Variants in CTDSPL observed in about 807,000 individuals in gnomAD.
The protein encoded by CTDSPL is CTD small phosphatase-like protein.
Under a neutral mutation model 30.5 loss-of-function variants are expected in CTDSPL, and 8 were observed. That is an observed-to-expected ratio of 0.26 (90% CI 0.15 to 0.47). The LOEUF (loss-of-function observed/expected upper bound fraction) is 0.47. Among genes scored for constraint, CTDSPL ranks in the 20% least tolerant of loss-of-function variants. CTDSPL has a pLI of 0.99. For missense variants in CTDSPL, 248 were observed against 366.1 expected (o/e 0.68, Z 2.63); for synonymous variants, 110 against 137.9 (o/e 0.80, Z 1.42).
In CTDSPL at chr3:37,961,985, G is replaced by A. The variant is rs1345628421; in HGVS notation, c.268-2586G>A. On this transcript the variant is annotated intron_variant, in intron 3 of 7. Coordinates refer to ENST00000273179, the MANE Select transcript of CTDSPL (RefSeq NM_001008392.2). ...TGAATACCATTCCCAAACCGTGGATGGCAAGCCGTGGTCCCTTCCTCCTCC... is the reference window on the plus strand; with the variant it reads ...TGAATACCATTCCCAAACCGTGGATAGCAAGCCGTGGTCCCTTCCTCCTCC... Among the ~76,000 whole-genome samples the A allele has an allele frequency of 2.6e-5, 4 of 152,200 alleles. No homozygotes were observed. The East Asian group carries it at 7.7e-4, about 29-fold the overall frequency.
rs1401901950 is a variant in CTDSPL, at chr3:37,862,471, A to C, written c.79+193A>C. 6.6e-6 allele frequency among the ~76,000 whole-genome samples: 1 copy of C among 152,034 alleles called. No homozygotes were observed. On this transcript the variant is annotated intron_variant, in intron 1 of 7. Transcript: ENST00000273179. This position sits in a 1 kb window ranked among gnomAD's most constrained non-coding sequence, Gnocchi z 4.3. ...GCCGACTGAGCCAGTGTGAGTGTGCAGGGGCTGGCGGAGAGACTGGGAGCG... is the reference window on the plus strand; with the variant it reads ...GCCGACTGAGCCAGTGTGAGTGTGCCGGGGCTGGCGGAGAGACTGGGAGCG...
At chr3:37,890,557 A>G (rs930016744) in intron 1 of CTDSPL, among the ~76,000 whole-genome samples, 1 of 152,234 alleles carries the variant, frequency 6.6e-6, no homozygotes, top group South Asian at 2.1e-4. Flanking sequence ...GATTTAAACC[A>G]TGTGATTTTG....
At chr3:37,873,572 T>C (rs1034426147) in intron 1 of CTDSPL, among the ~76,000 whole-genome samples, 13 of 152,210 alleles carry the variant, frequency 8.5e-5, no homozygotes, top group African/African-American at 3.1e-4. Flanking sequence ...TGTCCAGGAT[T>C]TTCAGTTGTA....
At chr3:37,948,889 C>T (rs9831857) in intron 2 of CTDSPL, among the ~76,000 whole-genome samples, 15,055 of 143,168 alleles carry the variant, frequency 0.11, 860 homozygotes, top group African/African-American at 0.15. Flanking sequence ...GGCGCAATCT[C>T]GGCTCACTGC....
intron 1 of CTDSPL, among the ~76,000 whole-genome samples, chr3:37,877,206 A>G (rs765718910): frequency 6.6e-6 from 1 of 152,116 alleles, no homozygotes; most frequent in African/African-American, 2.4e-5. Flanking sequence ...ACCACCATCC[A>G]TCTCCAGAAC....
intron 6 of CTDSPL, among the ~76,000 whole-genome samples, chr3:37,973,211 A>C (rs920563975): frequency 6.6e-6 from 1 of 152,240 alleles, no homozygotes; most frequent in Non-Finnish European, 1.5e-5. Context: ...CTTTCAGATG[A>C]GTGGTACCAA....
At chr3:37,970,240 C>A (rs1699351834) in intron 5 of CTDSPL, among the ~76,000 whole-genome samples, 1 of 152,172 alleles carries the variant, frequency 6.6e-6, no homozygotes. Context: ...AAGGTCCAGG[C>A]CAAATGTTAT....
intron 1 of CTDSPL, among the ~76,000 whole-genome samples, chr3:37,935,584 C>G (rs1018760211): frequency 3.9e-5 from 6 of 152,124 alleles, no homozygotes; most frequent in Admixed American, 2.6e-4. Flanking sequence ...AGTGCTGAGG[C>G]AAGGAAGGGC....
intron 1 of CTDSPL, among the ~76,000 whole-genome samples, chr3:37,927,678 G>GTGTA (rs1553684180): frequency 6.2e-4 from 63 of 102,092 alleles, no homozygotes; most frequent in Middle Eastern, 5.4e-3. Context: ...GTGTGTGTGT[G>GTGTA]TATGTGTATA....
rs140667198 is a variant in CTDSPL, at chr3:37,922,749, A to G, written c.80-24308A>G. Among the ~76,000 whole-genome samples, 106 of 152,310 alleles carry G rather than the reference A, an allele frequency of 7.0e-4. 1 individual carries two copies. The highest frequency in any genetic ancestry group is 2.4e-3 in the African/African-American group (101 of 41,568). On this transcript the variant is annotated intron_variant, in intron 1 of 7. Coordinates refer to ENST00000273179, the MANE Select transcript of CTDSPL (RefSeq NM_001008392.2). ...GTGGGAAATAGCATTCCAGGTTCCA[A>G]ACAAGGGATTGGCAAGGGAAGCTTG... is the stretch of plus-strand genomic sequence containing the variant.
chr3:37,882,679 A>G (rs904170851), intron 1 of CTDSPL, among the ~76,000 whole-genome samples: 1 of 152,170 alleles, frequency 6.6e-6, no homozygotes, highest in African/African-American at 2.4e-5. Context: ...TTTTAAAAAT[A>G]TTACTGCCTT....
At chr3:37,878,500 G>T (rs765700432) in intron 1 of CTDSPL, among the ~76,000 whole-genome samples, 3 of 152,036 alleles carry the variant, frequency 2.0e-5, no homozygotes, top group Non-Finnish European at 4.4e-5. Context: ...TATATGTGTG[G>T]GCCTATTTCT....
At chr3:37,978,522 G>A (rs568283767) in intron 7 of CTDSPL, among the ~76,000 whole-genome samples, 69 of 152,118 alleles carry the variant, frequency 4.5e-4, no homozygotes, top group Middle Eastern at 6.8e-3. Flanking sequence ...TATAATTTGG[G>A]GACACTAAAT....
At chr3:37,941,002 T>C (rs1294993169) in intron 1 of CTDSPL, among the ~76,000 whole-genome samples, 1 of 150,290 alleles carries the variant, frequency 6.7e-6, no homozygotes, top group Non-Finnish European at 1.5e-5. Context: ...AGACCCTCTG[T>C]AAGCCTATTG....
chr3:37,978,044 T>G (rs2125636325), intron 7 of CTDSPL, among the ~76,000 whole-genome samples: 1 of 152,370 alleles, frequency 6.6e-6, no homozygotes, highest in East Asian at 1.9e-4. Flanking sequence ...GATCCATCTA[T>G]TATAAAATTC....
chr3:37,919,367 A>G (rs1698687656), intron 1 of CTDSPL, among the ~76,000 whole-genome samples: 1 of 152,192 alleles, frequency 6.6e-6, no homozygotes, highest in Non-Finnish European at 1.5e-5. Flanking sequence ...CCAGCATAGA[A>G]TTTACAGCTT....
chr3:37,932,108 C>A (rs1378241250), intron 1 of CTDSPL, among the ~76,000 whole-genome samples: 1 of 151,998 alleles, frequency 6.6e-6, no homozygotes, highest in Non-Finnish European at 1.5e-5. Flanking sequence ...TAGATTTGAA[C>A]AGGATAACCA....
At chr3:37,869,939 C>A (rs780201663) in intron 1 of CTDSPL, among the ~76,000 whole-genome samples, 1 of 152,088 alleles carries the variant, frequency 6.6e-6, no homozygotes, top group Non-Finnish European at 1.5e-5. Context: ...ACCAGACTTG[C>A]GTCCATGGAA....
chr3:37,864,346 C>G (rs1697981894), intron 1 of CTDSPL, among the ~76,000 whole-genome samples: 1 of 152,194 alleles, frequency 6.6e-6, no homozygotes, highest in Non-Finnish European at 1.5e-5. Flanking sequence ...AAACCATGTA[C>G]AAATACTCCA....
Sources: allele counts gnomAD v4.1 joint callset (sites outside exome capture counted in the v4.1 genomes callset), GRCh38; gene constraint gnomAD v4.1.1; non-coding constraint Gnocchi (gnomAD v3.1); transcripts MANE v1.5; gene names NCBI Gene and HGNC (gene_info 2026-07-23, HGNC 2026-07-21).